MME: variants seen among roughly 807,000 people sequenced by gnomAD.
MME encodes membrane metalloendopeptidase.
A neutral mutation model predicts 113.2 loss-of-function variants in MME; 98 were observed. The ratio of observed to expected loss-of-function variants is 0.87; its 90% CI spans 0.74 to 1.02. The LOEUF (loss-of-function observed/expected upper bound fraction) is 1.02. Ranked by LOEUF, MME falls within the 50% of genes least tolerant of loss-of-function variation. The probability of loss-of-function intolerance (pLI) is 0.00; values close to 1 mark genes in which losing one functional copy is unlikely to be tolerated. For synonymous variants in MME, 292 were observed against 300.6 expected (o/e 0.97, Z 0.30); for missense variants, 836 against 896.0 (o/e 0.93, Z 0.86).
chr3:155,028,862 G>A (rs1712873648), intron 1 of MME, among the ~76,000 whole-genome samples: 1 of 152,084 alleles, frequency 6.6e-6, no homozygotes, highest in African/African-American at 2.4e-5. Flanking sequence ...GTTAGTTTGG[G>A]CTACAAAGAC....
At chr3:155,148,480 CTA>C (rs1346922328) in intron 15 of MME, 68 bp from the exon 16 acceptor site, 7 of 1,040,064 alleles carry the variant, frequency 6.7e-6, no homozygotes, top group African/African-American at 6.4e-5. Context: ...AAGAAAATCC[CTA>C]TGTTTTTAGC....
chr3:155,149,098 T>C (rs1344603913), intron 16 of MME, among the ~76,000 whole-genome samples: 1 of 152,168 alleles, frequency 6.6e-6, no homozygotes, highest in Admixed American at 6.6e-5. Flanking sequence ...TGTAAGACTT[T>C]TCTAACCCTG....
intron 10 of MME, among the ~76,000 whole-genome samples, chr3:155,141,717 A>G (rs1721102884): frequency 6.6e-6 from 1 of 152,120 alleles, no homozygotes; most frequent in African/African-American, 2.4e-5. Flanking sequence ...TATTTTCTGT[A>G]TTGGTTAGAC....
At chr3:155,024,964 G>A (rs2108109122) in intron 1 of MME, among the ~76,000 whole-genome samples, 1 of 152,090 alleles carries the variant, frequency 6.6e-6, no homozygotes, top group Non-Finnish European at 1.5e-5. Context: ...ATGAAAAATA[G>A]CTGAAAAAGT....
chr3:155,070,066 A>G (rs1714504237), intron 1 of MME, among the ~76,000 whole-genome samples: 1 of 152,180 alleles, frequency 6.6e-6, no homozygotes, highest in South Asian at 2.1e-4. Context: ...CTCCTATAAG[A>G]ATATAGTTAG....
chr3:155,104,069 A>G (rs557736952), intron 3 of MME, among the ~76,000 whole-genome samples: 2 of 152,220 alleles, frequency 1.3e-5, no homozygotes, highest in Admixed American at 6.5e-5. Context: ...TATAGTTACC[A>G]TCTAGGAGTT....
chr3:155,072,401 A>T (rs1298786965), intron 1 of MME, among the ~76,000 whole-genome samples: 1 of 152,100 alleles, frequency 6.6e-6, no homozygotes, highest in East Asian at 1.9e-4. Context: ...TTACCCACTA[A>T]ACTGTGGATT....
intron 1 of MME, among the ~76,000 whole-genome samples, chr3:155,039,813 TAA>T (rs1713249554): frequency 6.6e-6 from 1 of 152,134 alleles, no homozygotes; most frequent in Admixed American, 6.6e-5. Context: ...CCAGTTTCAT[TAA>T]GATATAATTA....
Position 155,158,129 on chromosome 3 carries a change from C to A in MME, c.1602-2261C>A, listed in dbSNP as rs563809409. Among the ~76,000 whole-genome samples, 23 of 152,204 alleles carry A rather than the reference C, an allele frequency of 1.5e-4. No homozygotes were observed. The South Asian group carries it at 4.6e-3, about 30-fold the overall frequency. On this transcript the variant is annotated intron_variant, in intron 16 of 22. Transcript: ENST00000360490. ...CATTAATTTCATATATCCTGTTCCT[C>A]TCCTCTGTAATCACAGTTTAAAAAC...
chr3:155,125,995 C>T (rs1364893936), intron 8 of MME, among the ~76,000 whole-genome samples: 4 of 151,904 alleles, frequency 2.6e-5, no homozygotes, highest in African/African-American at 9.7e-5. Context: ...ATTTATTTTG[C>T]CAAATTATGA....
chr3:155,153,890 T>G (rs9829347), intron 16 of MME, among the ~76,000 whole-genome samples: 63,551 of 151,840 alleles, frequency 0.42, 14,360 homozygotes, highest in African/African-American at 0.59. Flanking sequence ...TACTCGGGAG[T>G]CTATGATCTT....
chr3:155,076,531 T>C (rs563431611), upstream of MME, among the ~76,000 whole-genome samples: 2 of 152,288 alleles, frequency 1.3e-5, no homozygotes, highest in South Asian at 2.1e-4. Flanking sequence ...AAGAAAGACA[T>C]CTTGATCCAG....
In MME at chr3:155,058,679, G is replaced by A. The variant is rs74942508; in HGVS notation, c.-10-25479G>A. Among the ~76,000 whole-genome samples the A allele has an allele frequency of 5.4e-3, 818 of 152,216 alleles. 2 individuals carry two copies. The highest frequency in any genetic ancestry group is 0.018 in the African/African-American group (760 of 41,538). On this transcript the variant is annotated intron_variant, in intron 1 of 22. Coordinates refer to the MME transcript ENST00000492661. ...AAATAAGTTGAGAAAACCATAAACT[G>A]ACTCTCAAATGAACAAAGAAATAGA...
At chr3:155,065,473 T>C (rs1714356153) in intron 1 of MME, among the ~76,000 whole-genome samples, 1 of 152,018 alleles carries the variant, frequency 6.6e-6, no homozygotes, top group Non-Finnish European at 1.5e-5. Context: ...TGGAGACACC[T>C]CCCCCAGCAC....
intron 16 of MME, chr3:155,158,355 A>C (rs948023896): frequency 9.2e-5 from 14 of 152,130 alleles, no homozygotes; most frequent in African/African-American, 3.4e-4. Context: ...TATAGCAGTT[A>C]AAACTTTAAT....
chr3:155,043,876 T>C, intron 1 of MME, among the ~76,000 whole-genome samples: 1 of 152,242 alleles, frequency 6.6e-6, no homozygotes, highest in East Asian at 1.9e-4. Context: ...ACGAATTTAC[T>C]CTGTTAGTAT....
At chr3:155,043,124 G>A (rs1035712398) in intron 1 of MME, among the ~76,000 whole-genome samples, 2 of 149,408 alleles carry the variant, frequency 1.3e-5, no homozygotes, top group Admixed American at 6.7e-5. Flanking sequence ...TGGCTTTGGT[G>A]TTTTGTGCCC....
chr3:155,064,751 A>T (rs538117537), intron 1 of MME, among the ~76,000 whole-genome samples: 4 of 152,320 alleles, frequency 2.6e-5, no homozygotes, highest in Admixed American at 2.6e-4. Context: ...TGCTTAGAAC[A>T]AGAAAAATAT....
chr3:155,075,190 ATT>A, upstream of MME, among the ~76,000 whole-genome samples: 1 of 151,814 alleles, frequency 6.6e-6, no homozygotes, highest in Non-Finnish European at 1.5e-5. Context: ...TGCTGAATTG[ATT>A]AATCTCTTTT....
Sources: allele counts gnomAD v4.1 joint callset (sites outside exome capture counted in the v4.1 genomes callset), GRCh38; gene constraint gnomAD v4.1.1; transcripts MANE v1.5; gene names NCBI Gene and HGNC (gene_info 2026-07-23, HGNC 2026-07-21).